Variants in SOX5 observed in about 807,000 individuals in gnomAD.
The protein encoded by SOX5 is transcription factor SOX-5.
Under a neutral mutation model 92.0 loss-of-function variants are expected in SOX5, and 9 were observed. The observed-to-expected ratio is 0.10, with a 90% CI of 0.06 to 0.17. The LOEUF is 0.17. SOX5 is among the 10% of genes least tolerant of loss of function. The pLI, the probability that SOX5 is intolerant of heterozygous loss-of-function variation, is 1.00. For missense variants in SOX5, 642 were observed against 944.5 expected (o/e 0.68, Z 4.20); for synonymous variants, 344 against 336.3 (o/e 1.02, Z -0.25).
At chr12:24,231,467 A>G (rs1171347759) in intron 3 of SOX5, among the ~76,000 whole-genome samples, 1 of 152,208 alleles carries the variant, frequency 6.6e-6, no homozygotes, top group Admixed American at 6.5e-5. Flanking sequence ...CCAACTGAAA[A>G]TGCTATACAA....
intron 1 of SOX5, among the ~76,000 whole-genome samples, chr12:24,522,878 A>G (rs1216415695): frequency 6.6e-6 from 1 of 152,070 alleles, no homozygotes; most frequent in African/African-American, 2.4e-5. Context: ...CATTCTCACC[A>G]CTTTCATTTA....
chr12:24,483,729 T>C (rs989932899), intron 1 of SOX5, among the ~76,000 whole-genome samples: 2 of 152,240 alleles, frequency 1.3e-5, no homozygotes, highest in East Asian at 3.8e-4. Flanking sequence ...GTGACAATAA[T>C]TTGGCTCCAA....
At chr12:24,298,661 A>G (rs1039371745) in intron 2 of SOX5, among the ~76,000 whole-genome samples, 19 of 151,276 alleles carry the variant, frequency 1.3e-4, no homozygotes, top group Admixed American at 3.3e-4. Flanking sequence ...TTTTACATAT[A>G]CTTTTTTCAT....
intron 3 of SOX5, among the ~76,000 whole-genome samples, chr12:23,816,293 T>C (rs1011945068): frequency 2.7e-5 from 4 of 149,372 alleles, no homozygotes; most frequent in East Asian, 2.0e-4. Context: ...CACCACAACC[T>C]CCACCTCCAG....
intron 9 of SOX5, among the ~76,000 whole-genome samples, chr12:23,602,700 T>C (rs146093064): frequency 1.3e-5 from 2 of 152,028 alleles, no homozygotes; most frequent in African/African-American, 2.4e-5. Flanking sequence ...CAGACACACA[T>C]TGTCTGTGTG....
At chr12:23,604,820 T>C (rs1279309868) in intron 8 of SOX5, among the ~76,000 whole-genome samples, 1 of 152,196 alleles carries the variant, frequency 6.6e-6, no homozygotes, top group Non-Finnish European at 1.5e-5. Context: ...AAGGCAAGTA[T>C]AACATATTAT....
At chr12:23,962,222 AC>A (rs75925906) in intron 4 of SOX5, among the ~76,000 whole-genome samples, 44,339 of 151,776 alleles carry the variant, frequency 0.29, 7,341 homozygotes, top group East Asian at 0.66. Context: ...TAAACAAACA[AC>A]AAAAAAGACC....
At chr12:23,698,595 A>G (rs1217844313) in intron 6 of SOX5, among the ~76,000 whole-genome samples, 1 of 152,140 alleles carries the variant, frequency 6.6e-6, no homozygotes, top group Non-Finnish European at 1.5e-5. Flanking sequence ...TAGCTGTTTC[A>G]ACATCTTTGT....
At chr12:24,269,675 C>A (rs184747912) in intron 3 of SOX5, among the ~76,000 whole-genome samples, 31 of 137,780 alleles carry the variant, frequency 2.2e-4, no homozygotes, top group South Asian at 4.6e-4. Flanking sequence ...TATCACATTT[C>A]TTTATTTTTA....
At chr12:24,045,204 G>A (rs1188731107) in intron 4 of SOX5, among the ~76,000 whole-genome samples, 2 of 152,150 alleles carry the variant, frequency 1.3e-5, no homozygotes, top group Non-Finnish European at 2.9e-5. Context: ...GTGACCTCTG[G>A]TAAGTTACTT....
At chr12:24,520,994 T>C (rs1950214030) in intron 1 of SOX5, among the ~76,000 whole-genome samples, 1 of 152,114 alleles carries the variant, frequency 6.6e-6, no homozygotes, top group Non-Finnish European at 1.5e-5. Context: ...AGTACCTAAA[T>C]ACATAAAGCA....
intron 6 of SOX5, 49 bp from the exon 7 acceptor site, chr12:23,665,613 A>G (rs377606688): frequency 6.4e-7 from 1 of 1,555,570 alleles, no homozygotes; most frequent in Non-Finnish European, 8.7e-7. Context: ...TCGATGCTCC[A>G]TGCTTCTTCC....
chr12:23,641,830 T>C (rs951857431), intron 7 of SOX5, among the ~76,000 whole-genome samples: 2 of 152,196 alleles, frequency 1.3e-5, no homozygotes, highest in African/African-American at 4.8e-5. Context: ...AAACATTTTG[T>C]AGAAATCTAA....
At chr12:23,577,189 ATATTTT>A in intron 9 of SOX5, among the ~76,000 whole-genome samples, 1 of 71,274 alleles carries the variant, frequency 1.4e-5, no homozygotes, top group East Asian at 5.4e-4. Flanking sequence ...ATATATATAT[ATATTTT>A]TTTTTTTTTT....
At chr12:24,058,836 A>G (rs1319465664) in intron 4 of SOX5, among the ~76,000 whole-genome samples, 4 of 152,140 alleles carry the variant, frequency 2.6e-5, no homozygotes, top group African/African-American at 9.7e-5. Flanking sequence ...ACAAGGTCCC[A>G]TTGTACATAT....
chr12:24,079,810 T>C (rs1005684806), intron 4 of SOX5, among the ~76,000 whole-genome samples: 2 of 151,990 alleles, frequency 1.3e-5, no homozygotes, highest in African/African-American at 2.4e-5. Context: ...TTGAGATACC[T>C]GATTTTTAAA....
chr12:23,970,619 A>T (rs1257345168), intron 4 of SOX5, among the ~76,000 whole-genome samples: 1 of 151,018 alleles, frequency 6.6e-6, no homozygotes, highest in East Asian at 1.9e-4. Context: ...TAACATGTAT[A>T]ATTGTTTTTT....
chr12:24,311,819 T>A (rs1260896877), intron 2 of SOX5, among the ~76,000 whole-genome samples: 1 of 152,200 alleles, frequency 6.6e-6, no homozygotes, highest in Non-Finnish European at 1.5e-5. Context: ...TCTATTTGCC[T>A]CCTTTTTAAA....
chr12:24,408,195 T>C (rs1489342043), intron 1 of SOX5, among the ~76,000 whole-genome samples: 1 of 152,128 alleles, frequency 6.6e-6, no homozygotes, highest in Non-Finnish European at 1.5e-5. Flanking sequence ...AGAGGGGACA[T>C]GAAGCTTTCC....
Sources: allele counts gnomAD v4.1 joint callset (sites outside exome capture counted in the v4.1 genomes callset), GRCh38; gene constraint gnomAD v4.1.1; transcripts MANE v1.5; gene names NCBI Gene and HGNC (gene_info 2026-07-23, HGNC 2026-07-21).